The following SLC2A13 variants were observed in gnomAD, a reference collection of about 807,000 sequenced individuals.
SLC2A13 encodes the protein solute carrier family 2 member 13.
Under a neutral mutation model 64.4 loss-of-function variants are expected in SLC2A13, and 32 were observed. That is an observed-to-expected ratio of 0.50 (90% CI 0.37 to 0.67). SLC2A13 has a LOEUF of 0.67. Among genes scored for constraint, SLC2A13 ranks in the 30% least tolerant of loss-of-function variants. The probability of loss-of-function intolerance (pLI) is 0.00; values close to 1 mark genes in which losing one functional copy is unlikely to be tolerated. For missense variants in SLC2A13, 743 were observed against 829.2 expected, an observed-to-expected ratio of 0.90 and a Z score of 1.28; for synonymous variants, 338 against 327.1, an observed-to-expected ratio of 1.03 and a Z score of -0.36.
chr12:40,046,131 A>G (rs980872394), intron 2 of SLC2A13, among the ~76,000 whole-genome samples: 1 of 152,212 alleles, frequency 6.6e-6, no homozygotes, highest in African/African-American at 2.4e-5. Context: ...TGGATCCCAC[A>G]ATAATCTTAT....
At chr12:39,809,411 C>A (rs544316132) in intron 7 of SLC2A13, among the ~76,000 whole-genome samples, 3 of 152,008 alleles carry the variant, frequency 2.0e-5, no homozygotes, top group Non-Finnish European at 4.4e-5. Flanking sequence ...AATTTCAGAA[C>A]GAGCTTGTCA....
chr12:39,944,660 AC>A (rs1260808237), intron 4 of SLC2A13, among the ~76,000 whole-genome samples: 1 of 151,970 alleles, frequency 6.6e-6, no homozygotes, highest in Admixed American at 6.6e-5. Flanking sequence ...AAGAATAGCT[AC>A]CCCCTGCTTG....
intron 7 of SLC2A13, among the ~76,000 whole-genome samples, chr12:39,798,046 T>C (rs1941641262): frequency 6.6e-6 from 1 of 152,216 alleles, no homozygotes; most frequent in Non-Finnish European, 1.5e-5. Context: ...AAAGATATGA[T>C]GGTGTCTGTC....
At chr12:39,934,873 T>A (rs1241514883) in intron 4 of SLC2A13, among the ~76,000 whole-genome samples, 2 of 152,122 alleles carry the variant, frequency 1.3e-5, no homozygotes, top group Non-Finnish European at 2.9e-5. Flanking sequence ...ACTGTTCATT[T>A]CTCTTCCTGC....
At chr12:40,036,170 T>C (rs1947980823) in intron 2 of SLC2A13, among the ~76,000 whole-genome samples, 1 of 152,160 alleles carries the variant, frequency 6.6e-6, no homozygotes, top group East Asian at 1.9e-4. Flanking sequence ...GATGGGGGTT[T>C]AGGCCCAGTG....
Position 39,864,243 on chromosome 12 carries a change from T to C in SLC2A13, c.1319+519A>G, listed in dbSNP as rs1943843820. On this transcript the variant is annotated intron_variant, in intron 6 of 9. Coordinates refer to ENST00000280871, the MANE Select transcript of SLC2A13 (RefSeq NM_052885.4). ...CTAGCCATTAGAACATTTTGTTTTC[T>C]TTCACCATCACTTTTTACTTCCTGA... is the stretch of plus-strand genomic sequence containing the variant. 3.3e-5 allele frequency among the ~76,000 whole-genome samples: 5 copies of C among 152,238 alleles called. No individual in the cohort carries two copies. In the South Asian group the frequency reaches 1.0e-3, roughly 32 times the overall value.
chr12:39,812,708 G>T (rs1038322064), intron 7 of SLC2A13, among the ~76,000 whole-genome samples: 1 of 151,876 alleles, frequency 6.6e-6, no homozygotes, highest in South Asian at 2.1e-4. Context: ...CTGGCCTCAA[G>T]TGATCCACCT....
intron 3 of SLC2A13, among the ~76,000 whole-genome samples, chr12:39,964,027 C>A (rs935548480): frequency 6.6e-6 from 1 of 152,074 alleles, no homozygotes; most frequent in Non-Finnish European, 1.5e-5. Context: ...ATGACTACTG[C>A]AAACATAAGG....
intron 4 of SLC2A13, among the ~76,000 whole-genome samples, chr12:39,910,929 C>T (rs1945414830): frequency 6.6e-6 from 1 of 151,680 alleles, no homozygotes; most frequent in South Asian, 2.1e-4. Flanking sequence ...CTAAAAATAC[C>T]AAAAATTAGC....
In SLC2A13 at chr12:39,914,237, G is replaced by T. The variant is rs11174263; in HGVS notation, c.1034+37020C>A. The stretch of plus-strand genomic sequence containing the variant: ...TAGAGATTTAAATAGATTTTTTCAC[G>T]TCTAATGAAAGAATGAAAATAAGCA... On this transcript the variant is annotated intron_variant, in intron 4 of 9. Transcript: ENST00000280871. Among the ~76,000 whole-genome samples the T allele has an allele frequency of 7.8e-3, 1,182 of 152,034 alleles. 25 individuals carry two copies. The highest frequency in any genetic ancestry group is 0.027 in the African/African-American group (1,120 of 41,438).
At chr12:40,077,792 G>A (rs1205281592) in intron 1 of SLC2A13, among the ~76,000 whole-genome samples, 1 of 151,714 alleles carries the variant, frequency 6.6e-6, no homozygotes, top group Admixed American at 6.7e-5. Context: ...AACATGGAAT[G>A]TTTTTCCATT....
chr12:39,961,886 A>G (rs573483306), intron 3 of SLC2A13, among the ~76,000 whole-genome samples: 1 of 152,120 alleles, frequency 6.6e-6, no homozygotes, highest in Admixed American at 6.5e-5. Context: ...GTAACTTCAA[A>G]ACTCCTGGGC....
At chr12:39,843,425 C>A (rs1566855336) in intron 6 of SLC2A13, among the ~76,000 whole-genome samples, 1 of 151,940 alleles carries the variant, frequency 6.6e-6, no homozygotes, top group Non-Finnish European at 1.5e-5. Context: ...TTTATATGGC[C>A]TTTTGCAGAA....
At chr12:40,084,430 A>G (rs1938524254) in intron 1 of SLC2A13, among the ~76,000 whole-genome samples, 1 of 152,238 alleles carries the variant, frequency 6.6e-6, no homozygotes, top group African/African-American at 2.4e-5. Context: ...CTTCAGCAAG[A>G]TGTCTTAAAT....
At chr12:39,850,774 A>C (rs1378624687) in intron 6 of SLC2A13, among the ~76,000 whole-genome samples, 1 of 152,232 alleles carries the variant, frequency 6.6e-6, no homozygotes, top group Non-Finnish European at 1.5e-5. Context: ...AACTATATTC[A>C]ATTTCAAATG....
intron 3 of SLC2A13, among the ~76,000 whole-genome samples, chr12:39,997,492 T>A (rs1012714184): frequency 8.5e-5 from 13 of 152,134 alleles, no homozygotes; most frequent in African/African-American, 2.9e-4. Context: ...ATGAGGGAAA[T>A]GCAAATCAAA....
chr12:40,053,271 G>T lies in SLC2A13; in HGVS notation c.557-5061C>A, dbSNP rs11614981. Among the ~76,000 whole-genome samples, 264 of 107,158 alleles carry T rather than the reference G, an allele frequency of 2.5e-3. 1 individual carries two copies. The highest frequency in any genetic ancestry group is 3.6e-3 in the Non-Finnish European group (211 of 58,244). The allele number at this position is 107,158 out of a possible 152,430, so 70.3% of individuals were successfully genotyped here. On this transcript the variant is annotated intron_variant, in intron 1 of 9. Transcript: ENST00000280871. ...CACTATAGCCTGGCGACAGAGCAAAGACTCCATCTCAAAAAAAAAAAAAAA... is the reference window on the plus strand; with the variant it reads ...CACTATAGCCTGGCGACAGAGCAAATACTCCATCTCAAAAAAAAAAAAAAA...
intron 4 of SLC2A13, among the ~76,000 whole-genome samples, chr12:39,885,575 G>T (rs1318204568): frequency 6.6e-6 from 1 of 152,076 alleles, no homozygotes; most frequent in African/African-American, 2.4e-5. Context: ...TCTCTGAAAA[G>T]ATAAATATTA....
intron 6 of SLC2A13, chr12:39,830,492 A>C: frequency 8.5e-7 from 1 of 1,175,248 alleles, no homozygotes; most frequent in Non-Finnish European, 1.1e-6. Flanking sequence ...TGAATGTAGA[A>C]GAGTCCCCAT....
Sources: allele counts gnomAD v4.1 joint callset (sites outside exome capture counted in the v4.1 genomes callset), GRCh38; gene constraint gnomAD v4.1.1; transcripts MANE v1.5; gene names NCBI Gene and HGNC (gene_info 2026-07-23, HGNC 2026-07-21).